GLIS3: variants seen among roughly 807,000 people sequenced by gnomAD.
The protein encoded by GLIS3 is zinc finger protein GLIS3.
In GLIS3, 53 loss-of-function variants were observed where a neutral mutation model predicts 78.6. The observed-to-expected ratio is 0.67, with a 90% CI of 0.54 to 0.85. The LOEUF (loss-of-function observed/expected upper bound fraction) is 0.85. Among genes scored for constraint, GLIS3 ranks in the 40% least tolerant of loss-of-function variants. The pLI is 0.00. For synonymous variants in GLIS3, 684 were observed against 509.9 expected (o/e 1.34, Z -4.60); for missense variants, 1,703 against 1,231.1 (o/e 1.38, Z -5.74).
At chr9:4,311,745 G>A (rs1453787705) in intron 2 of GLIS3, among the ~76,000 whole-genome samples, 1 of 152,228 alleles carries the variant, frequency 6.6e-6, no homozygotes, top group Non-Finnish European at 1.5e-5. Context: ...TGTCCTGGGA[G>A]TTTGAGTTGT....
intron 1 of GLIS3, among the ~76,000 whole-genome samples, chr9:4,295,373 G>C (rs1274512754): frequency 1.3e-5 from 2 of 152,126 alleles, no homozygotes; most frequent in Non-Finnish European, 2.9e-5. Flanking sequence ...CTTCAGTTTG[G>C]TTAGTGTTTT....
At chr9:4,230,935 A>C (rs1822200678) in intron 2 of GLIS3, among the ~76,000 whole-genome samples, 2 of 152,298 alleles carry the variant, frequency 1.3e-5, no homozygotes, top group South Asian at 4.1e-4. Flanking sequence ...AGCCAGGTGC[A>C]GTGGCTCACA....
intron 4 of GLIS3, among the ~76,000 whole-genome samples, chr9:3,991,164 C>T (rs898881183): frequency 7.9e-5 from 12 of 152,278 alleles, no homozygotes; most frequent in African/African-American, 2.6e-4. Context: ...ACCTGCCAGA[C>T]ATATTGTAGG....
At chr9:3,979,001 T>G (rs1313383185) in intron 4 of GLIS3, among the ~76,000 whole-genome samples, 4 of 152,204 alleles carry the variant, frequency 2.6e-5, no homozygotes, top group Non-Finnish European at 4.4e-5. Context: ...GTAGGTTGTA[T>G]GCAAATCCTA....
At chr9:4,428,857 C>A in the GLIS3 span, among the ~76,000 whole-genome samples, 2 of 152,166 alleles carry the variant, frequency 1.3e-5, no homozygotes, top group Non-Finnish European at 2.9e-5. Flanking sequence ...TGCCAATGCA[C>A]CCTACTCACA....
chr9:4,329,300 A>G (rs1020633182), intron 2 of GLIS3, among the ~76,000 whole-genome samples: 1 of 152,068 alleles, frequency 6.6e-6, no homozygotes, highest in East Asian at 1.9e-4. Flanking sequence ...ATTTTTTCCC[A>G]TTCATATCCT....
chr9:4,138,106 C>T (rs554225967), intron 2 of GLIS3, among the ~76,000 whole-genome samples: 1 of 152,188 alleles, frequency 6.6e-6, no homozygotes, highest in African/African-American at 2.4e-5. Context: ...TTCTTGCCTA[C>T]CATCTAATTT....
At chr9:4,215,471 A>T (rs1425207467) in intron 2 of GLIS3, among the ~76,000 whole-genome samples, 1 of 152,186 alleles carries the variant, frequency 6.6e-6, no homozygotes, top group Non-Finnish European at 1.5e-5. Flanking sequence ...CCTATCATTT[A>T]TGGTGAAGGA....
chr9:3,825,389 A>C lies in GLIS3; in HGVS notation c.*2883T>G, dbSNP rs1284122678. On this transcript the variant is annotated 3_prime_UTR_variant, in exon 11 of 11. Coordinates refer to ENST00000381971, the MANE Select transcript of GLIS3 (RefSeq NM_001042413.2). Reference sequence around the variant, plus strand: ...ACATTTTGATGCAGTTTCGTTAGGGAATTAAGACAATGCAGCCAATGAAAT... The same window carrying C: ...ACATTTTGATGCAGTTTCGTTAGGGCATTAAGACAATGCAGCCAATGAAAT... 6.6e-6 allele frequency: 1 copy of C among 152,166 alleles called. No individual in the cohort carries two copies. Among genetic ancestry groups the C allele is most frequent in the Non-Finnish European group, 1.5e-5 (1 of 68,034 alleles). 9.4% of individuals were successfully genotyped at this position (152,166 alleles called of 1,614,324 possible). A position where few individuals can be genotyped will look rare whatever the true frequency, so the allele number is the denominator to read the frequency against.
At chr9:4,250,485 T>G (rs1384483861) in intron 2 of GLIS3, among the ~76,000 whole-genome samples, 1 of 152,164 alleles carries the variant, frequency 6.6e-6, no homozygotes, top group Non-Finnish European at 1.5e-5. Flanking sequence ...TTTTTTATTG[T>G]GTCTATTTGA....
intron 4 of GLIS3, among the ~76,000 whole-genome samples, chr9:4,004,876 T>G (rs1014197850): frequency 6.6e-6 from 1 of 152,240 alleles, no homozygotes; most frequent in African/African-American, 2.4e-5. Context: ...TATTTGAGTC[T>G]TGGCTCTATT....
At chr9:3,890,453 C>T (rs928224961) in intron 7 of GLIS3, among the ~76,000 whole-genome samples, 1 of 152,104 alleles carries the variant, frequency 6.6e-6, no homozygotes, top group Non-Finnish European at 1.5e-5. Flanking sequence ...TTCACTGCCA[C>T]AGACATTGAC....
At chr9:4,350,446 A>G (rs1817954180), upstream of GLIS3, among the ~76,000 whole-genome samples, 1 of 152,246 alleles carries the variant, frequency 6.6e-6, no homozygotes, top group African/African-American at 2.4e-5. Context: ...GAATCAAGTA[A>G]TAGAAAATTT....
chr9:4,036,950 C>T (rs1345396646), intron 4 of GLIS3, among the ~76,000 whole-genome samples: 2 of 152,074 alleles, frequency 1.3e-5, no homozygotes, highest in Non-Finnish European at 2.9e-5. Context: ...TTAGTCCTAT[C>T]GAAGTTACTA....
At chr9:4,029,910 T>C (rs976887699) in intron 4 of GLIS3, among the ~76,000 whole-genome samples, 2 of 152,150 alleles carry the variant, frequency 1.3e-5, no homozygotes, top group Non-Finnish European at 2.9e-5. Context: ...AACATAGGAG[T>C]GCAGATATCT....
At chr9:3,938,307 T>G (rs1290260319) in intron 4 of GLIS3, among the ~76,000 whole-genome samples, 3 of 152,158 alleles carry the variant, frequency 2.0e-5, no homozygotes, top group Admixed American at 6.5e-5. Flanking sequence ...TATAGAGGAA[T>G]GCAGGGGGGT....
At chr9:4,336,732 G>C (rs1440946457) in intron 2 of GLIS3, among the ~76,000 whole-genome samples, 1 of 152,174 alleles carries the variant, frequency 6.6e-6, no homozygotes, top group Non-Finnish European at 1.5e-5. Flanking sequence ...CACTGCTCCA[G>C]AGCTCATGTC....
chr9:4,187,348 G>A (rs12351940), intron 2 of GLIS3, among the ~76,000 whole-genome samples: 41,113 of 151,986 alleles, frequency 0.27, 6,669 homozygotes, highest in South Asian at 0.48. Context: ...CTGTTCCATT[G>A]TTCTATCTCT....
the GLIS3 span, among the ~76,000 whole-genome samples, chr9:4,368,449 C>A: frequency 6.6e-6 from 1 of 151,906 alleles, no homozygotes; most frequent in Non-Finnish European, 1.5e-5. Flanking sequence ...GGTTCACGCC[C>A]TTCTCTTGCC....
Sources: gnomAD v4.1 joint callset for allele counts (sites outside exome capture counted in the v4.1 genomes callset) on GRCh38, gnomAD v4.1.1 for gene constraint, MANE v1.5 for transcripts, NCBI Gene and HGNC (gene_info 2026-07-23, HGNC 2026-07-21) for gene names.